Variants in SLFNL1 observed in about 807,000 individuals in gnomAD.
The protein encoded by SLFNL1 is schlafen-like protein 1.
SLFNL1 carries 26 observed loss-of-function variants against 32.5 expected under a neutral mutation model. The observed-to-expected ratio is 0.80, with a 90% CI of 0.59 to 1.11. The LOEUF (loss-of-function observed/expected upper bound fraction) is 1.11, where lower values mean the gene tolerates loss of function less well. Among genes scored for constraint, SLFNL1 ranks in the 50% least tolerant of loss-of-function variants. SLFNL1 has a pLI of 0.00. For synonymous variants in SLFNL1, 255 were observed against 242.2 expected, an observed-to-expected ratio of 1.05 and a Z score of -0.49; for missense variants, 553 against 546.5, an observed-to-expected ratio of 1.01 and a Z score of -0.12.
chr1:41,017,563 G>T lies in SLFNL1; in HGVS notation c.957+72C>A. 6.7e-7 allele frequency: 1 copy of T among 1,497,944 alleles called. No homozygotes were observed. The highest frequency in any genetic ancestry group is 8.9e-7 in the Non-Finnish European group (1 of 1,122,064). The allele number at this position is 1,497,944 out of a possible 1,614,324, so 92.8% of individuals were successfully genotyped here. A position where few individuals can be genotyped will look rare whatever the true frequency, so the allele number is the denominator to read the frequency against. Reference sequence around the variant, plus strand: ...TCCCTGCCCCAGCACTGCCTGGCAGGAGTGCAGGCCATCGTCTTACTGAGT... The same window carrying T: ...TCCCTGCCCCAGCACTGCCTGGCAGTAGTGCAGGCCATCGTCTTACTGAGT... On this transcript the variant is annotated intron_variant, in intron 4 of 5. Coordinates refer to ENST00000302946, the MANE Select transcript of SLFNL1 (RefSeq NM_144990.4). The surrounding 1 kb of genome is among the most constrained non-coding windows in gnomAD (Gnocchi z 4.9).
At position 41,017,925 on chromosome 1, in the gene SLFNL1, G is replaced by A. The variant is rs758330920; in HGVS notation, c.667C>T (p.Arg223Cys). 1.2e-5 allele frequency: 19 copies of A among 1,612,444 alleles called. No homozygotes were observed. The highest frequency in any genetic ancestry group is 5.0e-5 in the Admixed American group (3 of 59,978). The change falls in exon 4 of 6, where the codon CGC becomes TGC. Residue 223 changes from arginine to cysteine, a missense_variant. Coordinates refer to ENST00000302946, the MANE Select transcript of SLFNL1 (RefSeq NM_144990.4). This position sits in a 1 kb window ranked among gnomAD's most constrained non-coding sequence, Gnocchi z 4.9. ...FQGAFLGSET[R>C]NMEFKRGSGE... The stretch of plus-strand genomic sequence containing the variant: ...CTACCCCGCTTGAACTCCATATTGC[G>A]GGTCTCGCTGCCCAGGAAGGCACCC...
Position 41,017,083 on chromosome 1 carries a change from G to T in SLFNL1, c.1101+151C>A. The T allele has an allele frequency of 1.1e-6, 1 of 910,246 alleles. No homozygotes were observed. The highest frequency in any genetic ancestry group is 1.6e-6 in the Non-Finnish European group (1 of 627,968). 56.4% of individuals were successfully genotyped at this position (910,246 alleles called of 1,614,324 possible). On this transcript the variant is annotated intron_variant, in intron 5 of 5. Transcript: ENST00000302946. This position sits in a 1 kb window ranked among gnomAD's most constrained non-coding sequence, Gnocchi z 4.9. ...GCCACCTACCCGCGGAGTATGGGAT[G>T]TGGTGTGATTGTATTCCAACCCCTT...
rs546419465 is a variant in SLFNL1, at chr1:41,020,480, G to A, written c.181C>T (p.Pro61Ser). The change falls in exon 3 of 6, where the codon CCG (proline) becomes TCG (serine). Residue 61 changes from proline to serine, a missense_variant. Coordinates refer to ENST00000302946, the MANE Select transcript of SLFNL1 (RefSeq NM_144990.4). ...TCTCGCAGCAGGCAGGCAAGCACCGGCACTGAGAACTGGGGGTTCAGATGG... is the reference window on the plus strand; with the variant it reads ...TCTCGCAGCAGGCAGGCAAGCACCGACACTGAGAACTGGGGGTTCAGATGG... ...VGHLNPQFSV[P>S]VLACLLRDTL... The A allele has an allele frequency of 4.0e-5, 65 of 1,613,458 alleles. No individual in the cohort carries two copies. In the African/African-American group the frequency reaches 4.8e-4, roughly 12 times the overall value.
At position 41,017,321 on chromosome 1, in the gene SLFNL1, CT is replaced by C. The variant is rs1307906123; in HGVS notation, c.1013del (p.Gln338ArgfsTer43). The C allele has an allele frequency of 1.9e-6, 3 of 1,613,836 alleles. No individual in the cohort carries two copies. Among genetic ancestry groups the C allele is most frequent in the African/African-American group, 2.7e-5 (2 of 74,942 alleles). On this transcript the variant is annotated frameshift_variant, in exon 5 of 6. Transcript: ENST00000302946. LOFTEE classifies it high-confidence loss of function. This position sits in a 1 kb window ranked among gnomAD's most constrained non-coding sequence, Gnocchi z 4.9. ...PKAQSQPQLYQTDQGEVFLRR... is the reference protein window; with the variant it reads ...PKAQSQPQLYXTDQGEVFLRR... ...GCAGAAACACCTCCCCCTGGTCTGTCTGGTAGAGTTGCGGCTGGCTCTGGGC... is the reference window on the plus strand; with the variant it reads ...GCAGAAACACCTCCCCCTGGTCTGTCGGTAGAGTTGCGGCTGGCTCTGGGC...
Position 41,017,158 on chromosome 1 carries a change from G to A in SLFNL1, c.1101+76C>T. On this transcript the variant is annotated intron_variant, in intron 5 of 5. Coordinates refer to ENST00000302946, the MANE Select transcript of SLFNL1 (RefSeq NM_144990.4). The surrounding 1 kb of genome is among the most constrained non-coding windows in gnomAD (Gnocchi z 4.9). ...CCAGGGAACCATGGTGGCTTGCCCT[G>A]GGCTGCTCAGTGGGTGGCTGAAGGG... The A allele has an allele frequency of 6.8e-7, 1 of 1,480,886 alleles. No homozygotes were observed. Among genetic ancestry groups the A allele is most frequent in the South Asian group, 1.3e-5 (1 of 75,314 alleles). 91.7% of individuals were successfully genotyped at this position (1,480,886 alleles called of 1,614,324 possible).
At chr1:41,018,348 G>A in intron 3 of SLFNL1, 192 bp from the exon 4 acceptor site, 1 of 533,072 alleles carries the variant, frequency 1.9e-6, no homozygotes, top group Non-Finnish European at 3.2e-6. Context: ...AAACCCTGCT[G>A]GATCGAGGGT....
chr1:41,020,683 G>A lies in SLFNL1; in HGVS notation c.-23C>T. 2 of 1,594,658 alleles carry A rather than the reference G, an allele frequency of 1.3e-6. No homozygotes were observed. Among genetic ancestry groups the A allele is most frequent in the Non-Finnish European group, 1.7e-6 (2 of 1,167,196 alleles). On this transcript the variant is annotated 5_prime_UTR_variant, in exon 3 of 6. Transcript: ENST00000302946. ...CATGGGAAGGCTCTCCCTGGGAAGG[G>A]GTTCCAGGATTCCTCACTGCTGGCT... is the stretch of plus-strand genomic sequence containing the variant.
In SLFNL1 at chr1:41,016,231, G is replaced by A; in HGVS notation, c.1102-3C>T. ...TTGCCCAGCTCCACCAGCCACCTCT[G>A]AGGGGACATGGGAAAAGCATGTGGC... On this transcript the variant is annotated splice_polypyrimidine_tract_variant and splice_region_variant and intron_variant, in intron 5 of 5. Coordinates refer to ENST00000302946, the MANE Select transcript of SLFNL1 (RefSeq NM_144990.4). 1 of 1,613,806 alleles carries A rather than the reference G, an allele frequency of 6.2e-7. No homozygotes were observed. Among genetic ancestry groups the A allele is most frequent in the Non-Finnish European group, 8.5e-7 (1 of 1,179,840 alleles).
chr1:41,017,416 T>A lies in SLFNL1; in HGVS notation c.958-39A>T, dbSNP rs1203522983. On this transcript the variant is annotated intron_variant, in intron 4 of 5. Coordinates refer to ENST00000302946, the MANE Select transcript of SLFNL1 (RefSeq NM_144990.4). This position sits in a 1 kb window ranked among gnomAD's most constrained non-coding sequence, Gnocchi z 4.9. Reference sequence around the variant, plus strand: ...ACAGCAGCTCTGGAGGCGCCGCCCCTCACGGTCGGCAGCCCCCATCCTGCC... The same window carrying A: ...ACAGCAGCTCTGGAGGCGCCGCCCCACACGGTCGGCAGCCCCCATCCTGCC... The A allele has an allele frequency of 1.3e-6, 2 of 1,593,782 alleles. No homozygotes were observed.
intron 3 of SLFNL1, 74 bp from the exon 4 acceptor site, chr1:41,018,230 A>G (rs908581349): frequency 3.1e-5 from 43 of 1,392,666 alleles, no homozygotes; most frequent in Admixed American, 1.4e-4. Flanking sequence ...AAGGACTGCA[A>G]GAACCCCCAG....
Position 41,015,903 on chromosome 1 carries a change from G to A in SLFNL1, c.*203C>T. ...GAAAGTAAGGTCATTTGGGGACAGG[G>A]CTGAGAGCAGTTTCTTGGCTACACA... On this transcript the variant is annotated 3_prime_UTR_variant, in exon 6 of 6. Transcript: ENST00000302946. 1 of 612,908 alleles carries A rather than the reference G, an allele frequency of 1.6e-6. No individual in the cohort carries two copies. The highest frequency in any genetic ancestry group is 2.3e-5 in the South Asian group (1 of 43,392). The allele number at this position is 612,908 out of a possible 1,614,324, so 38.0% of individuals were successfully genotyped here.
At position 41,020,711 on chromosome 1, in the gene SLFNL1, T is replaced by G. The variant is rs1425342923; in HGVS notation, c.-51A>C. On this transcript the variant is annotated 5_prime_UTR_variant, in exon 3 of 6. Coordinates refer to ENST00000302946, the MANE Select transcript of SLFNL1 (RefSeq NM_144990.4). ...TCCAGGATTCCTCACTGCTGGCTGC[T>G]TCTCCCAGGGTCTGTGTTCTCAGTG... 1 of 1,548,710 alleles carries G rather than the reference T, an allele frequency of 6.5e-7. No individual in the cohort carries two copies. Among genetic ancestry groups the G allele is most frequent in the African/African-American group, 1.4e-5 (1 of 73,928 alleles).
In SLFNL1 at chr1:41,017,753, C is replaced by T. The variant is rs747097546; in HGVS notation, c.839G>A (p.Arg280His). Residue 280 changes from arginine (R) to histidine (H), a missense_variant, in exon 4 of 6, where the codon CGC becomes CAC. Transcript: ENST00000302946. This position sits in a 1 kb window ranked among gnomAD's most constrained non-coding sequence, Gnocchi z 4.9. ...GATGGAGTCCACCAGCAGGCGTGCGCGGTCCTCGTCACGGTGGCTGCAGCG... is the reference window on the plus strand; with the variant it reads ...GATGGAGTCCACCAGCAGGCGTGCGTGGTCCTCGTCACGGTGGCTGCAGCG... ...GIRCSHRDED[R>H]ARLLVDSILQ... is the part of the protein sequence containing the mutation. 2.6e-5 allele frequency: 42 copies of T among 1,607,696 alleles called. No individual in the cohort carries two copies. The highest frequency in any genetic ancestry group is 8.8e-5 in the South Asian group (8 of 90,426).
chr1:41,020,786 G>A lies in SLFNL1; in HGVS notation c.-118-8C>T, dbSNP rs1054628888. 23 of 855,398 alleles carry A rather than the reference G, an allele frequency of 2.7e-5. No homozygotes were observed. In the East Asian group the frequency reaches 5.3e-4, roughly 20 times the overall value. 53.0% of individuals were successfully genotyped at this position (855,398 alleles called of 1,614,324 possible). On this transcript the variant is annotated splice_region_variant and splice_polypyrimidine_tract_variant and intron_variant, in intron 2 of 5. Transcript: ENST00000302946. Reference sequence around the variant, plus strand: ...CAGGGAGTGTCCCGGCTCCTGGGAGGTACACAGATTGGCAGAGACTGGGCA... The same window carrying A: ...CAGGGAGTGTCCCGGCTCCTGGGAGATACACAGATTGGCAGAGACTGGGCA...
Position 41,020,489 on chromosome 1 carries a change from A to G in SLFNL1, c.172T>C (p.Phe58Leu). 6.2e-7 allele frequency: 1 copy of G among 1,613,468 alleles called. No individual in the cohort carries two copies. ...AGGCAGGCAAGCACCGGCACTGAGA[A>G]CTGGGGGTTCAGATGGCCCACATAG... ...TLYVGHLNPQ[F>L]SVPVLACLLR... Residue 58 changes from phenylalanine to leucine, a missense_variant, in exon 3 of 6, where the codon TTC becomes CTC. Coordinates refer to ENST00000302946, the MANE Select transcript of SLFNL1 (RefSeq NM_144990.4).
In SLFNL1 at chr1:41,021,643, C is replaced by T. The variant is rs1055153922; in HGVS notation, c.-146G>A. ...ATGACCTTCATGTCCTGGTGGCTCC[C>T]GCGGGAGCATGGGAGGTGCCTGCCC... is the stretch of plus-strand genomic sequence containing the variant. On this transcript the variant is annotated 5_prime_UTR_variant, in exon 1 of 6. Transcript: ENST00000302946. The T allele has an allele frequency of 6.6e-6, 1 of 152,244 alleles. No individual in the cohort carries two copies. Among genetic ancestry groups the T allele is most frequent in the Non-Finnish European group, 1.5e-5 (1 of 68,070 alleles). 9.4% of individuals were successfully genotyped at this position (152,244 alleles called of 1,614,324 possible).
chr1:41,018,027 GGCAGCTCT>G lies in SLFNL1; in HGVS notation c.557_564del (p.Gln186ProfsTer43). The G allele has an allele frequency of 1.9e-6, 3 of 1,599,634 alleles. No homozygotes were observed. Among genetic ancestry groups the G allele is most frequent in the Non-Finnish European group, 2.6e-6 (3 of 1,173,988 alleles). ...GAGCACACGCCGCTGGGCCGGCCCT[GGCAGCTCT>G]GCAGCTGCTGGGCCTGGGGCCTATC... is the stretch of plus-strand genomic sequence containing the variant. On this transcript the variant is annotated frameshift_variant, in exon 4 of 6. Coordinates refer to ENST00000302946, the MANE Select transcript of SLFNL1 (RefSeq NM_144990.4). LOFTEE classifies it high-confidence loss of function.
chr1:41,018,233 ACCCCCAGTCAGG>A (rs1251959277), intron 3 of SLFNL1, 77 bp from the exon 4 acceptor site: 7 of 1,375,308 alleles, frequency 5.1e-6, no homozygotes, highest in Non-Finnish European at 6.7e-6. Context: ...GACTGCAAGA[ACCCCCAGTCAGG>A]CCCCTGCTGC....
intron 5 of SLFNL1, chr1:41,016,983 C>T (rs1571005415): frequency 2.6e-6 from 1 of 384,504 alleles, no homozygotes; most frequent in East Asian, 4.5e-5. Context: ...GCTGGGATTA[C>T]AGGCGTGAGC....
Sources: allele counts gnomAD v4.1 joint callset, GRCh38; gene constraint gnomAD v4.1.1; non-coding constraint Gnocchi (gnomAD v3.1); transcripts MANE v1.5; gene names NCBI Gene and HGNC (gene_info 2026-07-23, HGNC 2026-07-21).